Variants in SMAD3 observed in about 807,000 individuals in gnomAD.
The protein encoded by SMAD3 is MAD homolog 3.
Under a neutral mutation model 51.8 loss-of-function variants are expected in SMAD3, and 12 were observed. That is an observed-to-expected ratio of 0.23 (90% CI 0.15 to 0.38). The LOEUF (loss-of-function observed/expected upper bound fraction) is 0.38, where lower values mean the gene tolerates loss of function less well. Ranked by LOEUF, SMAD3 falls within the 10% of genes least tolerant of loss-of-function variation. SMAD3 has a pLI of 1.00. For missense variants in SMAD3, 294 were observed against 565.6 expected, an observed-to-expected ratio of 0.52 and a Z score of 4.87; for synonymous variants, 238 against 227.7, an observed-to-expected ratio of 1.05 and a Z score of -0.41.
Position 67,194,172 on chromosome 15 carries a change from CA to C in SMAD3, c.*3637del, listed in dbSNP as rs1430153944. The stretch of plus-strand genomic sequence containing the variant: ...CAAAATAAACGTGTCCCCATTTTAC[CA>C]GAACCAAACCTCAACACAGCGAAGC... On this transcript the variant is annotated 3_prime_UTR_variant, in exon 9 of 9. Coordinates refer to ENST00000327367, the MANE Select transcript of SMAD3 (RefSeq NM_005902.4). 2 of 233,390 alleles carry C rather than the reference CA, an allele frequency of 8.6e-6. No homozygotes were observed. Among genetic ancestry groups the C allele is most frequent in the African/African-American group, 4.4e-5 (2 of 45,362 alleles). 14.5% of individuals were successfully genotyped at this position (233,390 alleles called of 1,614,324 possible).
At chr15:67,172,524 G>A (rs879271189) in intron 5 of SMAD3, among the ~76,000 whole-genome samples, 2 of 152,240 alleles carry the variant, frequency 1.3e-5, no homozygotes, top group Admixed American at 1.3e-4. Flanking sequence ...TGTCATAGCT[G>A]GAAGGGGGTG....
chr15:67,156,171 T>C (rs755835788), intron 1 of SMAD3, among the ~76,000 whole-genome samples: 6 of 152,158 alleles, frequency 3.9e-5, no homozygotes, highest in Admixed American at 3.9e-4. Context: ...AGGGCATTCA[T>C]TGGCAACCCC....
intron 1 of SMAD3, chr15:67,125,626 C>A: frequency 1.4e-6 from 1 of 732,618 alleles, no homozygotes; most frequent in Non-Finnish European, 1.7e-6. Flanking sequence ...ATCCAGAGTG[C>A]GTGGTGTTTA....
intron 7 of SMAD3, 90 bp from the exon 8 acceptor site, chr15:67,187,275 C>G: frequency 6.7e-7 from 1 of 1,497,734 alleles, no homozygotes; most frequent in Non-Finnish European, 9.3e-7. Context: ...TGAGGCTGGT[C>G]TAGGGGGTCC....
intron 1 of SMAD3, among the ~76,000 whole-genome samples, chr15:67,081,897 T>G (rs1261351148): frequency 6.6e-6 from 1 of 151,988 alleles, no homozygotes; most frequent in Non-Finnish European, 1.5e-5. Context: ...ATCAGGGTGA[T>G]TAGTATGGAG....
rs192419461 is a variant in SMAD3 at position 67,067,141 on chromosome 15, C to T, written c.206+781C>T. Among the ~76,000 whole-genome samples, 483 of 138,784 alleles carry T rather than the reference C, an allele frequency of 3.5e-3. 1 individual carries two copies. Among genetic ancestry groups the T allele is most frequent in the African/African-American group, 0.012 (461 of 37,344 alleles). The allele number at this position is 138,784 out of a possible 152,430, so 91.0% of individuals were successfully genotyped here. A position where few individuals can be genotyped will look rare whatever the true frequency, so the allele number is the denominator to read the frequency against. On this transcript the variant is annotated intron_variant, in intron 1 of 8. Transcript: ENST00000327367. The stretch of plus-strand genomic sequence containing the variant: ...AACCGTGCAGAACGAGGGAGAGGGG[C>T]AGGCTGCAGCCGGGCAGATAACAAA...
At chr15:67,181,512 C>G (rs1963060484) in intron 6 of SMAD3, 59 bp downstream of exon 6, 1 of 1,388,920 alleles carries the variant, frequency 7.2e-7, no homozygotes, top group Non-Finnish European at 9.9e-7. Context: ...TATCCCACCC[C>G]CAGCCCCAGG....
intron 1 of SMAD3, among the ~76,000 whole-genome samples, chr15:67,082,595 A>G (rs1960301211): frequency 1.3e-5 from 2 of 152,264 alleles, no homozygotes; most frequent in South Asian, 4.1e-4. Flanking sequence ...ATAGGAAGAC[A>G]TAAAAATTCT....
At position 67,093,071 on chromosome 15, in the gene SMAD3, T is replaced by C. The variant is rs74023115; in HGVS notation, c.206+26711T>C. 4.5e-3 allele frequency among the ~76,000 whole-genome samples: 692 copies of C among 152,300 alleles called. 5 individuals are homozygous for C. The highest frequency in any genetic ancestry group is 0.016 in the African/African-American group (654 of 41,560). On this transcript the variant is annotated intron_variant, in intron 1 of 8. Transcript: ENST00000327367. ...ATAGTCTAACTTCCCTTCCTCACCC[T>C]GTCTTTGTAAATGGTGCTCATCTAA...
intron 1 of SMAD3, among the ~76,000 whole-genome samples, chr15:67,078,960 G>A (rs951047660): frequency 6.6e-6 from 1 of 151,792 alleles, no homozygotes; most frequent in African/African-American, 2.4e-5. Context: ...GCTGTGAAAT[G>A]TTTTGCAATG....
At chr15:67,183,745 C>T (rs1407508724) in intron 6 of SMAD3, among the ~76,000 whole-genome samples, 1 of 152,168 alleles carries the variant, frequency 6.6e-6, no homozygotes, top group Non-Finnish European at 1.5e-5. Flanking sequence ...AGAGTTTACG[C>T]AACTGTTTGA....
At chr15:67,086,739 G>T (rs917209397) in intron 1 of SMAD3, among the ~76,000 whole-genome samples, 2 of 152,080 alleles carry the variant, frequency 1.3e-5, no homozygotes, top group Non-Finnish European at 2.9e-5. Flanking sequence ...ATAGTGTCAC[G>T]TGATAGCAGT....
At chr15:67,180,486 G>T (rs1963022179) in intron 5 of SMAD3, among the ~76,000 whole-genome samples, 1 of 150,858 alleles carries the variant, frequency 6.6e-6, no homozygotes, top group Non-Finnish European at 1.5e-5. Context: ...AGACAACTGG[G>T]ACAAATACAG....
At chr15:67,168,777 A>G (rs943783994) in intron 4 of SMAD3, among the ~76,000 whole-genome samples, 2 of 152,138 alleles carry the variant, frequency 1.3e-5, no homozygotes, top group Non-Finnish European at 2.9e-5. Flanking sequence ...GAGACAGACC[A>G]GACTTGCGGA....
chr15:67,141,994 C>G (rs1346310285), intron 1 of SMAD3, among the ~76,000 whole-genome samples: 8 of 152,104 alleles, frequency 5.3e-5, no homozygotes, highest in Non-Finnish European at 1.5e-5. Flanking sequence ...AAATTAGGGT[C>G]AATCATACAA....
chr15:67,108,421 A>G (rs528249580), intron 1 of SMAD3, among the ~76,000 whole-genome samples: 161 of 152,104 alleles, frequency 1.1e-3, no homozygotes, highest in African/African-American at 3.3e-3. Flanking sequence ...CTTTGCCCAT[A>G]CCAGCCTGGA....
intron 1 of SMAD3, among the ~76,000 whole-genome samples, chr15:67,159,365 C>T (rs1281182828): frequency 2.0e-5 from 3 of 152,156 alleles, no homozygotes; most frequent in Non-Finnish European, 2.9e-5. Context: ...GCCACCACGT[C>T]CAGTCAGTGT....
chr15:67,180,972 C>CTAAATAAA lies in SMAD3; in HGVS notation c.659-240_659-233dup, dbSNP rs60300820. On this transcript the variant is annotated intron_variant, in intron 5 of 8. Coordinates refer to ENST00000327367, the MANE Select transcript of SMAD3 (RefSeq NM_005902.4). ...GCAGGCGGGGCAGGGCCTTTATGAG[C>CTAAATAAA]TAAATAAATAAATAAATAAATAAAT... Among the ~76,000 whole-genome samples the CTAAATAAA allele has an allele frequency of 0.097, 14,177 of 145,814 alleles. 821 individuals are homozygous for CTAAATAAA. The highest frequency in any genetic ancestry group is 0.13 in the Middle Eastern group (38 of 284).
chr15:67,138,701 C>A (rs1472558474), intron 1 of SMAD3, among the ~76,000 whole-genome samples: 1 of 152,152 alleles, frequency 6.6e-6, no homozygotes, highest in Non-Finnish European at 1.5e-5. Flanking sequence ...ATATACAAGC[C>A]ATGCCAGGCA....
Sources: gnomAD v4.1 joint callset for allele counts (sites outside exome capture counted in the v4.1 genomes callset) on GRCh38, gnomAD v4.1.1 for gene constraint, MANE v1.5 for transcripts, NCBI Gene and HGNC (gene_info 2026-07-23, HGNC 2026-07-21) for gene names.